Variants in MYO18A observed in about 807,000 individuals in gnomAD.
MYO18A encodes the protein unconventional myosin-XVIIIa.
A neutral mutation model predicts 235.8 loss-of-function variants in MYO18A; 78 were observed. That is an observed-to-expected ratio of 0.33 (90% confidence interval 0.28 to 0.40). The LOEUF is 0.40. Ranked by LOEUF, MYO18A falls within the 10% of genes least tolerant of loss-of-function variation. MYO18A has a pLI of 1.00. For missense variants in MYO18A, 2,215 were observed against 2,699.3 expected (o/e 0.82, Z 3.98); for synonymous variants, 977 against 1,077.8 (o/e 0.91, Z 1.83).
chr17:29,118,114 CG>C lies in MYO18A; in HGVS notation c.1968del (p.Asp657MetfsTer90). 1 of 1,595,002 alleles carries C rather than the reference CG, an allele frequency of 6.3e-7. No individual in the cohort carries two copies. On this transcript the variant is annotated frameshift_variant, in exon 10 of 42. Transcript: ENST00000527372. LOFTEE classifies it high-confidence loss of function. This position sits in a 1 kb window ranked among gnomAD's most constrained non-coding sequence, Gnocchi z 4.2. The stretch of plus-strand genomic sequence containing the variant: ...ATGAACCAGCAGGCCTTCTGTTCAT[CG>C]GGGGAGATGCCCAGCACCTTCATGG... ...QAAMKVLGIS[P>X]DEQKACWFIL...
chr17:29,072,723 TG>T lies in MYO18A; in HGVS notation c.*2046del, dbSNP rs913179248. The T allele has an allele frequency of 1.3e-5, 2 of 152,242 alleles. No homozygotes were observed. The highest frequency in any genetic ancestry group is 4.8e-5 in the African/African-American group (2 of 41,458). 9.4% of individuals were successfully genotyped at this position (152,242 alleles called of 1,614,324 possible). ...CTGACATTATCAGAGCCTCGGCACT[TG>T]GGCTGTTTGCTATTTTTTCCCACCC... On this transcript the variant is annotated 3_prime_UTR_variant, in exon 42 of 42. Coordinates refer to ENST00000527372, the MANE Select transcript of MYO18A (RefSeq NM_078471.4).
At chr17:29,179,924 A>G (rs137992989) in intron 1 of MYO18A, among the ~76,000 whole-genome samples, 2 of 152,068 alleles carry the variant, frequency 1.3e-5, no homozygotes, top group South Asian at 2.1e-4. Context: ...TGGGGCCTGG[A>G]CGGGGGCAGG....
Position 29,151,466 on chromosome 17 carries a change from C to T in MYO18A, c.999+14476G>A, listed in dbSNP as rs1598381911. ...CCGCCTACCTGCTGTTGTCTCCCTTCCTCACCCCAGAGTCTGCTTAGACTC... is the reference window on the plus strand; with the variant it reads ...CCGCCTACCTGCTGTTGTCTCCCTTTCTCACCCCAGAGTCTGCTTAGACTC... On this transcript the variant is annotated intron_variant, in intron 2 of 41. Transcript: ENST00000527372. 2.6e-5 allele frequency among the ~76,000 whole-genome samples: 4 copies of T among 152,156 alleles called. No individual in the cohort carries two copies. The South Asian group carries it at 8.3e-4, about 32-fold the overall frequency.
At position 29,095,076 on chromosome 17, in the gene MYO18A, C is replaced by A; in HGVS notation, c.4386-17G>T. The A allele has an allele frequency of 1.3e-6, 2 of 1,509,806 alleles. No individual in the cohort carries two copies. The highest frequency in any genetic ancestry group is 2.5e-5 in the East Asian group (1 of 40,628). The allele number at this position is 1,509,806 out of a possible 1,614,324, so 93.5% of individuals were successfully genotyped here. The stretch of plus-strand genomic sequence containing the variant: ...CTGTCAAACCTGCGAGGGAGTGTGG[C>A]GGCTCCATCAGATGGGGAAGAGCCA... On this transcript the variant is annotated splice_polypyrimidine_tract_variant and intron_variant, in intron 28 of 41. Transcript: ENST00000527372.
At position 29,073,895 on chromosome 17, in the gene MYO18A, C is replaced by G. The variant is rs1360313360; in HGVS notation, c.*875G>C. ...TCTCAAGTTGAGTTTATGGTCCAGA[C>G]CACCTGGACAGAGCAGGAGGGAGGC... On this transcript the variant is annotated 3_prime_UTR_variant, in exon 42 of 42. Coordinates refer to ENST00000527372, the MANE Select transcript of MYO18A (RefSeq NM_078471.4). 6.2e-7 allele frequency: 1 copy of G among 1,610,782 alleles called. No individual in the cohort carries two copies. The highest frequency in any genetic ancestry group is 8.5e-7 in the Non-Finnish European group (1 of 1,177,212).
At position 29,121,503 on chromosome 17, in the gene MYO18A, G is replaced by A; in HGVS notation, c.1371+44C>T. ...GGGAAGGGCAGAGAGCCAGGGCAGG[G>A]GGTGGGACCAGGAGTCTGCAGGGTA... On this transcript the variant is annotated intron_variant, in intron 5 of 41. Transcript: ENST00000527372. This position sits in a 1 kb window ranked among gnomAD's most constrained non-coding sequence, Gnocchi z 4.2. 9 of 1,541,346 alleles carry A rather than the reference G, an allele frequency of 5.8e-6. No homozygotes were observed. The highest frequency in any genetic ancestry group is 1.2e-5 in the South Asian group (1 of 82,166).
intron 37 of MYO18A, 26 bp from the exon 38 acceptor site, chr17:29,087,147 A>G (rs748114458): frequency 1.9e-5 from 30 of 1,601,102 alleles, no homozygotes; most frequent in Non-Finnish European, 2.5e-5. Context: ...GGGAAGAAAG[A>G]CACAGCAGGC....
rs762025234 is a variant in MYO18A, at chr17:29,166,136, C to T, written c.805G>A (p.Gly269Arg). The change falls in exon 2 of 42, where the codon GGG (glycine) becomes AGG (arginine). Residue 269 changes from glycine to arginine, a missense_variant. Physicochemically the swap from Gly to Arg is moderately radical, Grantham distance 125 (BLOSUM62 -2). Coordinates refer to ENST00000527372, the MANE Select transcript of MYO18A (RefSeq NM_078471.4). ...PGAGTKDLAL[G>R]LVPGDRLVEI... ...ACCAGTCGATCTCCTGGCACCAGCC[C>T]CAGGGCCAGGTCCTTGGTGCCTGCA... is the stretch of plus-strand genomic sequence containing the variant. The T allele has an allele frequency of 6.2e-7, 1 of 1,613,222 alleles. No homozygotes were observed. The highest frequency in any genetic ancestry group is 1.1e-5 in the South Asian group (1 of 91,088).
At chr17:29,149,339 G>A (rs1173722320) in intron 2 of MYO18A, among the ~76,000 whole-genome samples, 1 of 152,374 alleles carries the variant, frequency 6.6e-6, no homozygotes, top group East Asian at 1.9e-4. Context: ...ATGAATGCAA[G>A]GTCAAAAGAC....
Position 29,111,977 on chromosome 17 carries a change from A to T in MYO18A, c.2599-114T>A. 7.6e-7 allele frequency: 1 copy of T among 1,311,246 alleles called. No individual in the cohort carries two copies. The highest frequency in any genetic ancestry group is 1.4e-5 in the South Asian group (1 of 69,682). 81.2% of individuals were successfully genotyped at this position (1,311,246 alleles called of 1,614,324 possible). A position where few individuals can be genotyped will look rare whatever the true frequency, so the allele number is the denominator to read the frequency against. ...ATGCTACACATGTGCACACATGCAC[A>T]CACGCACATGCCGCAGCTCCTGCCG... On this transcript the variant is annotated intron_variant, in intron 15 of 41. Coordinates refer to ENST00000527372, the MANE Select transcript of MYO18A (RefSeq NM_078471.4). The surrounding 1 kb of genome is among the most constrained non-coding windows in gnomAD (Gnocchi z 5.1).
rs1476556774 is a variant in MYO18A, at chr17:29,074,646, T to C, written c.*124A>G. 30 of 1,069,216 alleles carry C rather than the reference T, an allele frequency of 2.8e-5. No individual in the cohort carries two copies. Among genetic ancestry groups the C allele is most frequent in the East Asian group, 4.8e-5 (2 of 41,736 alleles). The allele number at this position is 1,069,216 out of a possible 1,614,324, so 66.2% of individuals were successfully genotyped here. Reference sequence around the variant, plus strand: ...GGAAAGTGCCCCTGACAGAAGAAGGTCAGGGTGTTTCCCATGCAGATCAGC... The same window carrying C: ...GGAAAGTGCCCCTGACAGAAGAAGGCCAGGGTGTTTCCCATGCAGATCAGC... On this transcript the variant is annotated 3_prime_UTR_variant, in exon 42 of 42. Coordinates refer to ENST00000527372, the MANE Select transcript of MYO18A (RefSeq NM_078471.4). The surrounding 1 kb of genome is among the most constrained non-coding windows in gnomAD (Gnocchi z 4.4).
At chr17:29,114,707 G>GT (rs2067014124) in intron 14 of MYO18A, among the ~76,000 whole-genome samples, 200 bp downstream of exon 14, 1 of 152,218 alleles carries the variant, frequency 6.6e-6, no homozygotes, top group Admixed American at 6.5e-5. Flanking sequence ...AGGCTTCCTG[G>GT]AGAGTAAACT....
intron 2 of MYO18A, chr17:29,131,338 C>T (rs909330589): frequency 1.5e-5 from 14 of 944,180 alleles, no homozygotes; most frequent in East Asian, 1.2e-4. Context: ...CACACATGCC[C>T]GCACACACAC....
Position 29,092,972 on chromosome 17 carries a change from C to A in MYO18A, c.4956G>T (p.Lys1652Asn). ...QVNRRDFESE[K>N]RLRKDLKRTK... ...TGCGCTTCAGGTCCTTCCGCAGCCGCTTCTCTGACTCAAAGTCCCGCCGGT... is the reference window on the plus strand; with the variant it reads ...TGCGCTTCAGGTCCTTCCGCAGCCGATTCTCTGACTCAAAGTCCCGCCGGT... Residue 1652 changes from lysine to asparagine, a missense_variant, in exon 33 of 42, where the codon AAG (lysine) becomes AAT (asparagine). Transcript: ENST00000527372. 1 of 1,613,682 alleles carries A rather than the reference C, an allele frequency of 6.2e-7. No homozygotes were observed. The highest frequency in any genetic ancestry group is 8.5e-7 in the Non-Finnish European group (1 of 1,179,856).
Position 29,166,623 on chromosome 17 carries a change from G to T in MYO18A, c.318C>A (p.Leu106=). Residue 106 remains leucine, a synonymous_variant, in exon 2 of 42, where the codon CTC becomes CTA. Transcript: ENST00000527372. ...HLSTASSSDD[L]KGEEGSFRGS... is the part of the protein sequence containing the mutation. Reference sequence around the variant, plus strand: ...CACGGAAGCTACCCTCCTCACCCTTGAGGTCATCGCTGGAGCTGGCTGTAC... The same window carrying T: ...CACGGAAGCTACCCTCCTCACCCTTTAGGTCATCGCTGGAGCTGGCTGTAC... The T allele has an allele frequency of 4.3e-6, 7 of 1,613,876 alleles. No homozygotes were observed. Among genetic ancestry groups the T allele is most frequent in the Non-Finnish European group, 5.1e-6 (6 of 1,179,886 alleles).
chr17:29,173,532 C>T (rs1344043003), intron 1 of MYO18A, among the ~76,000 whole-genome samples: 1 of 151,806 alleles, frequency 6.6e-6, no homozygotes, highest in African/African-American at 2.4e-5. Context: ...GTACTACAGG[C>T]GCCCGCCACC....
chr17:29,151,506 C>G (rs566559358), intron 2 of MYO18A, among the ~76,000 whole-genome samples: 1 of 152,252 alleles, frequency 6.6e-6, no homozygotes, highest in East Asian at 1.9e-4. Flanking sequence ...CCACACATGC[C>G]TTGCCTTGTT....
At chr17:29,088,272 T>G (rs892216972) in intron 37 of MYO18A, among the ~76,000 whole-genome samples, 6 of 151,682 alleles carry the variant, frequency 4.0e-5, no homozygotes, top group East Asian at 3.9e-4. Context: ...GCCAGGATGG[T>G]CTCGATCTCC....
chr17:29,134,093 GTTTTTATTTTTTTA>G (rs1294706831), intron 2 of MYO18A, among the ~76,000 whole-genome samples: 1 of 152,156 alleles, frequency 6.6e-6, no homozygotes, highest in Admixed American at 6.5e-5. Flanking sequence ...TGTGTGCATT[GTTTTTATTTTTTTA>G]TTTTTATTTT....
Sources: gnomAD v4.1 joint callset for allele counts (sites outside exome capture counted in the v4.1 genomes callset) on GRCh38, gnomAD v4.1.1 for gene constraint, Gnocchi (gnomAD v3.1) non-coding constraint, MANE v1.5 for transcripts, NCBI Gene and HGNC (gene_info 2026-07-23, HGNC 2026-07-21) for gene names.